TAOK1: variants seen among roughly 807,000 people sequenced by gnomAD.
TAOK1 encodes TAO kinase 1.
In TAOK1, 21 loss-of-function variants were observed where a neutral mutation model predicts 138.3. The observed-to-expected ratio is 0.15, with a 90% CI of 0.11 to 0.22. The LOEUF (loss-of-function observed/expected upper bound fraction) is 0.22, where lower values mean the gene tolerates loss of function less well. Ranked by LOEUF, TAOK1 falls within the 10% of genes least tolerant of loss-of-function variation. The pLI, the probability that TAOK1 is intolerant of heterozygous loss-of-function variation, is 1.00. For synonymous variants in TAOK1, 361 were observed against 398.4 expected, an observed-to-expected ratio of 0.91 and a Z score of 1.12; for missense variants, 651 against 1,227.7, an observed-to-expected ratio of 0.53 and a Z score of 7.02.
chr17:29,476,259 G>A (rs1372540576), intron 4 of TAOK1, among the ~76,000 whole-genome samples: 1 of 152,134 alleles, frequency 6.6e-6, no homozygotes, highest in Non-Finnish European at 1.5e-5. Context: ...TTGCCCTTTT[G>A]TTACCAGGAA....
At chr17:29,494,450 A>G (rs2153027887) in intron 10 of TAOK1, among the ~76,000 whole-genome samples, 1 of 152,182 alleles carries the variant, frequency 6.6e-6, no homozygotes, top group South Asian at 2.1e-4. Context: ...TTGAGGTTAC[A>G]GTGGGCTGTG....
At chr17:29,477,028 G>A (rs1349490262) in intron 4 of TAOK1, among the ~76,000 whole-genome samples, 3 of 151,970 alleles carry the variant, frequency 2.0e-5, no homozygotes, top group Non-Finnish European at 2.9e-5. Context: ...TATATTTTTA[G>A]TATAAATGGG....
At chr17:29,404,774 T>C (rs1295439610) in intron 1 of TAOK1, among the ~76,000 whole-genome samples, 1 of 152,128 alleles carries the variant, frequency 6.6e-6, no homozygotes, top group Non-Finnish European at 1.5e-5. Flanking sequence ...TGGGCAACAG[T>C]GAGACCCTGT....
intron 1 of TAOK1, among the ~76,000 whole-genome samples, chr17:29,410,399 C>T (rs550994499): frequency 6.6e-6 from 1 of 152,110 alleles, no homozygotes; most frequent in Non-Finnish European, 1.5e-5. Flanking sequence ...TACAGGCATG[C>T]ACCACCACGC....
chr17:29,447,664 T>TTTTA lies in TAOK1; in HGVS notation c.-94-3788_-94-3787insATTT, dbSNP rs1567721002. The stretch of plus-strand genomic sequence containing the variant: ...TTTTTATTTTATTTTATTTTATTTT[T>TTTTA]TTTTTTTTTTGAGACAGAGTGTCGC... On this transcript the variant is annotated intron_variant, in intron 1 of 19. Transcript: ENST00000261716. Among the ~76,000 whole-genome samples the TTTTA allele has an allele frequency of 4.0e-4, 57 of 143,592 alleles. No homozygotes were observed. In the South Asian group the frequency reaches 4.9e-3, roughly 12 times the overall value. The allele number at this position is 143,592 out of a possible 152,430, so 94.2% of individuals were successfully genotyped here. A position where few individuals can be genotyped will look rare whatever the true frequency, so the allele number is the denominator to read the frequency against.
intron 1 of TAOK1, among the ~76,000 whole-genome samples, chr17:29,407,891 C>T (rs1322010616): frequency 6.6e-6 from 1 of 152,126 alleles, no homozygotes; most frequent in Non-Finnish European, 1.5e-5. Context: ...GTTTCTGAGG[C>T]AGAGTCTGGC....
intron 8 of TAOK1, among the ~76,000 whole-genome samples, chr17:29,488,610 T>TAATAATA (rs2031230435): frequency 1.7e-5 from 2 of 116,032 alleles, no homozygotes; most frequent in South Asian, 2.7e-4. Flanking sequence ...TAATAATAAT[T>TAATAATA]GTTAATTTTT....
chr17:29,521,910 C>A (rs1024242733), intron 16 of TAOK1, among the ~76,000 whole-genome samples: 3 of 152,130 alleles, frequency 2.0e-5, no homozygotes, highest in African/African-American at 7.2e-5. Flanking sequence ...ACTACACTAA[C>A]CAGAGTAGAC....
intron 1 of TAOK1, among the ~76,000 whole-genome samples, chr17:29,394,048 T>C (rs1053728072): frequency 1.3e-5 from 2 of 151,500 alleles, no homozygotes; most frequent in Admixed American, 1.3e-4. Context: ...CATGTTACGA[T>C]GCCATTTTAA....
chr17:29,406,290 G>A (rs536436427), intron 1 of TAOK1, among the ~76,000 whole-genome samples: 1 of 152,032 alleles, frequency 6.6e-6, no homozygotes, highest in Admixed American at 6.6e-5. Flanking sequence ...TTATTTAACT[G>A]TTATACAGGT....
At chr17:29,464,162 G>A (rs904786066) in intron 2 of TAOK1, among the ~76,000 whole-genome samples, 2 of 151,932 alleles carry the variant, frequency 1.3e-5, no homozygotes, top group African/African-American at 4.8e-5. Flanking sequence ...TGGGCCAGGC[G>A]CGGTGGCTCA....
rs2032472091 is a variant in TAOK1, at chr17:29,550,492, A to C, written c.*7470A>C. On this transcript the variant is annotated 3_prime_UTR_variant, in exon 20 of 20. Coordinates refer to ENST00000261716, the MANE Select transcript of TAOK1 (RefSeq NM_020791.4). ...TTCGCTTTCAGAACCCCCTTGTTTT[A>C]GTATATGAAAAAGCCTAATGCGCAT... is the stretch of plus-strand genomic sequence containing the variant. 6.6e-6 allele frequency: 1 copy of C among 152,220 alleles called. No individual in the cohort carries two copies. The highest frequency in any genetic ancestry group is 2.4e-5 in the African/African-American group (1 of 41,464). 9.4% of individuals were successfully genotyped at this position (152,220 alleles called of 1,614,324 possible).
chr17:29,506,793 T>C (rs1211631048), intron 13 of TAOK1, among the ~76,000 whole-genome samples: 1 of 152,136 alleles, frequency 6.6e-6, no homozygotes, highest in Non-Finnish European at 1.5e-5. Context: ...GACAAGTGCA[T>C]GTACACACAG....
chr17:29,412,136 A>G (rs955163966), intron 1 of TAOK1, among the ~76,000 whole-genome samples: 2 of 151,780 alleles, frequency 1.3e-5, no homozygotes, highest in African/African-American at 4.8e-5. Flanking sequence ...TCCATCTCCC[A>G]GGTTCAAGCG....
intron 1 of TAOK1, among the ~76,000 whole-genome samples, chr17:29,432,591 A>G (rs991729861): frequency 6.6e-6 from 1 of 152,100 alleles, no homozygotes; most frequent in African/African-American, 2.4e-5. Context: ...CGGCCTCCCA[A>G]AGTGCTGGGA....
chr17:29,518,515 G>A (rs1340789351), intron 16 of TAOK1, among the ~76,000 whole-genome samples: 1 of 152,000 alleles, frequency 6.6e-6, no homozygotes, highest in Non-Finnish European at 1.5e-5. Flanking sequence ...AAATACATAT[G>A]GTCTTCTTTG....
At chr17:29,416,448 ACT>A (rs1905266964) in intron 1 of TAOK1, among the ~76,000 whole-genome samples, 1 of 152,038 alleles carries the variant, frequency 6.6e-6, no homozygotes, top group Admixed American at 6.6e-5. Context: ...TAGTCTTAAG[ACT>A]TCTCAAAGAG....
At chr17:29,520,780 C>T (rs558630965) in intron 16 of TAOK1, among the ~76,000 whole-genome samples, 1 of 151,742 alleles carries the variant, frequency 6.6e-6, no homozygotes, top group Admixed American at 6.6e-5. Flanking sequence ...AATCCCAGCA[C>T]TTTGGGAGGC....
chr17:29,459,442 C>T (rs9896579), intron 2 of TAOK1, among the ~76,000 whole-genome samples: 96,032 of 151,734 alleles, frequency 0.63, 31,843 homozygotes, highest in East Asian at 0.97. Context: ...CCCCCACGCC[C>T]GGCTGTTTGT....
Sources: gnomAD v4.1 joint callset for allele counts (sites outside exome capture counted in the v4.1 genomes callset) on GRCh38, gnomAD v4.1.1 for gene constraint, MANE v1.5 for transcripts, NCBI Gene and HGNC (gene_info 2026-07-23, HGNC 2026-07-21) for gene names.